Variants in SV2C observed in about 807,000 individuals in gnomAD.
The protein encoded by SV2C is synaptic vesicle glycoprotein 2C.
SV2C carries 49 observed loss-of-function variants against 79.7 expected under a neutral mutation model. That is an observed-to-expected ratio of 0.61 (90% CI 0.49 to 0.78). SV2C has a LOEUF of 0.78. SV2C is among the 30% of genes least tolerant of loss of function. SV2C has a pLI of 0.00. For synonymous variants in SV2C, 334 were observed against 333.2 expected, an observed-to-expected ratio of 1.00 and a Z score of -0.03; for missense variants, 833 against 912.9, an observed-to-expected ratio of 0.91 and a Z score of 1.13.
At chr5:76,235,599 CTG>C (rs767009079) in intron 4 of SV2C, among the ~76,000 whole-genome samples, 1 of 152,118 alleles carries the variant, frequency 6.6e-6, no homozygotes, top group Non-Finnish European at 1.5e-5. Context: ...ACACAGAATG[CTG>C]TCACTGAGGT....
intron 3 of SV2C, among the ~76,000 whole-genome samples, chr5:76,195,738 G>A (rs1173877396): frequency 1.3e-5 from 2 of 151,812 alleles, no homozygotes; most frequent in African/African-American, 2.4e-5. Context: ...GCTGAATAAG[G>A]AATATATGAG....
intron 4 of SV2C, among the ~76,000 whole-genome samples, chr5:76,273,249 A>T (rs561992188): frequency 1.8e-4 from 27 of 151,516 alleles, no homozygotes; most frequent in African/African-American, 6.0e-4. Flanking sequence ...TTATCTATAT[A>T]CAAAAGAAAA....
the SV2C span, among the ~76,000 whole-genome samples, chr5:76,034,503 T>C: frequency 2.0e-5 from 3 of 152,222 alleles, no homozygotes; most frequent in African/African-American, 7.2e-5. Flanking sequence ...TCTGTTGAGA[T>C]AATCATGTGG....
At chr5:76,027,275 T>C in the SV2C span, among the ~76,000 whole-genome samples, 1 of 152,054 alleles carries the variant, frequency 6.6e-6, no homozygotes, top group African/African-American at 2.4e-5. Flanking sequence ...TTGTCCAGGC[T>C]GGTCTCAAAC....
At chr5:76,271,069 T>C (rs1189221613) in intron 4 of SV2C, among the ~76,000 whole-genome samples, 1 of 152,168 alleles carries the variant, frequency 6.6e-6, no homozygotes, top group African/African-American at 2.4e-5. Context: ...ACGTCTGACC[T>C]AATCGCTATG....
chr5:75,891,530 T>G, the SV2C span, among the ~76,000 whole-genome samples: 1 of 152,256 alleles, frequency 6.6e-6, no homozygotes, highest in Non-Finnish European at 1.5e-5. Flanking sequence ...GAGTAAATAC[T>G]TTTAAATTAT....
the SV2C span, among the ~76,000 whole-genome samples, chr5:75,849,371 A>G: frequency 6.6e-6 from 1 of 152,020 alleles, no homozygotes; most frequent in African/African-American, 2.4e-5. Context: ...ACCTACTTAC[A>G]ATAGAAAAGG....
the SV2C span, chr5:75,921,518 A>G: frequency 1.2e-6 from 1 of 812,094 alleles, no homozygotes; most frequent in Non-Finnish European, 2.2e-6. Context: ...CAGGGCTGTG[A>G]CAATCTCTGG....
intron 9 of SV2C, among the ~76,000 whole-genome samples, 192 bp from the exon 10 acceptor site, chr5:76,298,602 A>G (rs1747858401): frequency 6.6e-6 from 1 of 152,228 alleles, no homozygotes; most frequent in Non-Finnish European, 1.5e-5. Context: ...GGTAAGCAAT[A>G]AGATAGCCAA....
chr5:76,044,693 G>A, the SV2C span, among the ~76,000 whole-genome samples: 2 of 151,746 alleles, frequency 1.3e-5, no homozygotes, highest in Non-Finnish European at 2.9e-5. Flanking sequence ...ATTTTTTTTG[G>A]CCACATAAAT....
the SV2C span, among the ~76,000 whole-genome samples, chr5:75,938,113 T>G: frequency 6.6e-6 from 1 of 152,326 alleles, no homozygotes; most frequent in East Asian, 1.9e-4. Context: ...GCCCGTCTGT[T>G]ATTTACATAA....
the SV2C span, among the ~76,000 whole-genome samples, chr5:75,955,080 T>A: frequency 6.9e-6 from 1 of 144,084 alleles, no homozygotes; most frequent in South Asian, 2.1e-4. Context: ...AGAGCCCACA[T>A]CGCCAAGTCA....
At chr5:75,968,675 G>A in the SV2C span, among the ~76,000 whole-genome samples, 2 of 152,234 alleles carry the variant, frequency 1.3e-5, no homozygotes, top group African/African-American at 2.4e-5. Context: ...ATGGGACTAT[G>A]TGAAAAGACC....
At chr5:75,885,476 G>A in the SV2C span, among the ~76,000 whole-genome samples, 2 of 152,178 alleles carry the variant, frequency 1.3e-5, no homozygotes, top group East Asian at 3.9e-4. Flanking sequence ...TTTCTCAGCT[G>A]TGACGCAAAC....
the SV2C span, among the ~76,000 whole-genome samples, chr5:75,871,942 T>C: frequency 1.4e-5 from 2 of 147,788 alleles, no homozygotes; most frequent in African/African-American, 4.9e-5. Flanking sequence ...TACATATGTA[T>C]ACATGTGCCA....
the SV2C span, among the ~76,000 whole-genome samples, chr5:76,043,441 A>G: frequency 6.6e-6 from 1 of 152,230 alleles, no homozygotes; most frequent in Non-Finnish European, 1.5e-5. Flanking sequence ...AAAGTCACTC[A>G]TAGCTAGTAA....
At chr5:76,271,228 G>A (rs1035299577) in intron 4 of SV2C, among the ~76,000 whole-genome samples, 1 of 152,070 alleles carries the variant, frequency 6.6e-6, no homozygotes, top group Non-Finnish European at 1.5e-5. Context: ...CACAGTTTGG[G>A]GCTCACCAAT....
intron 1 of SV2C, among the ~76,000 whole-genome samples, chr5:76,121,013 A>G (rs1373633721): frequency 6.6e-6 from 1 of 150,904 alleles, no homozygotes; most frequent in Non-Finnish European, 1.5e-5. Flanking sequence ...ATTTCTCCAC[A>G]TCCTCTCCAG....
At chr5:76,040,983 T>C in the SV2C span, among the ~76,000 whole-genome samples, 1 of 152,172 alleles carries the variant, frequency 6.6e-6, no homozygotes. Flanking sequence ...CTGTCAAGTC[T>C]GAGGAACTGC....
Sources: allele counts gnomAD v4.1 joint callset (sites outside exome capture counted in the v4.1 genomes callset), GRCh38; gene constraint gnomAD v4.1.1; transcripts MANE v1.5; gene names NCBI Gene and HGNC (gene_info 2026-07-23, HGNC 2026-07-21).